Variants in CLK4 observed in about 807,000 individuals in gnomAD.
The protein encoded by CLK4 is CDC like kinase 4.
Under a neutral mutation model 64.4 loss-of-function variants are expected in CLK4, and 37 were observed. The ratio of observed to expected loss-of-function variants is 0.57; its 90% confidence interval spans 0.44 to 0.76. The LOEUF is 0.76. CLK4 is among the 30% of genes least tolerant of loss of function. The probability of loss-of-function intolerance (pLI) is 0.00; values close to 1 mark genes in which losing one functional copy is unlikely to be tolerated. For synonymous variants in CLK4, 175 were observed against 191.6 expected, an observed-to-expected ratio of 0.91 and a Z score of 0.72; for missense variants, 457 against 605.1, an observed-to-expected ratio of 0.76 and a Z score of 2.57.
intron 3 of CLK4, chr5:178,618,309 C>T: frequency 5.6e-6 from 1 of 177,396 alleles, no homozygotes; most frequent in Non-Finnish European, 1.2e-5. Context: ...TTATTAAAAT[C>T]AATAAACTCA....
chr5:178,616,954 G>A lies in CLK4; in HGVS notation c.476-6C>T. On this transcript the variant is annotated splice_region_variant and splice_polypyrimidine_tract_variant and intron_variant, in intron 4 of 12. Transcript: ENST00000316308. Reference sequence around the variant, plus strand: ...CAAAGTGTCCACGATTTCATCTAGAGTGAGGAGGGAAAAAGAGGTGTAAGT... The same window carrying A: ...CAAAGTGTCCACGATTTCATCTAGAATGAGGAGGGAAAAAGAGGTGTAAGT... 1.9e-6 allele frequency: 3 copies of A among 1,609,474 alleles called. No homozygotes were observed. The highest frequency in any genetic ancestry group is 2.6e-6 in the Non-Finnish European group (3 of 1,175,794).
In CLK4 at chr5:178,621,690, T is replaced by G. The variant is rs529486772; in HGVS notation, c.161+1566A>C. 4.6e-5 allele frequency: 7 copies of G among 152,286 alleles called. No individual in the cohort carries two copies. The South Asian group carries it at 1.0e-3, about 23-fold the overall frequency. 9.4% of individuals were successfully genotyped at this position (152,286 alleles called of 1,614,324 possible). On this transcript the variant is annotated intron_variant, in intron 2 of 12. Coordinates refer to ENST00000316308, the MANE Select transcript of CLK4 (RefSeq NM_020666.3). ...AGCATGAAGGAGCACGTTGTATAAT[T>G]TGGCAAACTCTCTAGAAAAAGAAAT...
Position 178,618,784 on chromosome 5 carries a change from A to G in CLK4, c.162-6T>C, listed in dbSNP as rs780748823. 3.1e-6 allele frequency: 5 copies of G among 1,602,242 alleles called. No individual in the cohort carries two copies. Among genetic ancestry groups the G allele is most frequent in the Non-Finnish European group, 4.3e-6 (5 of 1,170,950 alleles). ...ACCTTGCTTCTAAATAATGACTGCAAACACATTAAAAGATTTCAAATTATT... is the reference window on the plus strand; with the variant it reads ...ACCTTGCTTCTAAATAATGACTGCAGACACATTAAAAGATTTCAAATTATT... On this transcript the variant is annotated splice_region_variant and splice_polypyrimidine_tract_variant and intron_variant, in intron 2 of 12. Transcript: ENST00000316308.
chr5:178,622,349 G>T, intron 2 of CLK4: 1 of 816,982 alleles, frequency 1.2e-6, no homozygotes, highest in Non-Finnish European at 1.5e-6. Flanking sequence ...AAGCTGTTTG[G>T]CAGAACAAGT....
At chr5:178,607,804 C>T (rs1275823301) in intron 10 of CLK4, among the ~76,000 whole-genome samples, 1 of 151,680 alleles carries the variant, frequency 6.6e-6, no homozygotes, top group Admixed American at 6.6e-5. Flanking sequence ...GCTACCCCGC[C>T]TGGCCCTCCC....
intron 10 of CLK4, 130 bp from the exon 11 acceptor site, chr5:178,605,512 G>A (rs1764454900): frequency 2.0e-6 from 1 of 497,986 alleles, no homozygotes. Context: ...AACTGGGCAA[G>A]GTTACCAGAA....
intron 10 of CLK4, among the ~76,000 whole-genome samples, chr5:178,608,143 C>G (rs981333930): frequency 2.6e-5 from 4 of 152,060 alleles, no homozygotes; most frequent in South Asian, 2.1e-4. Context: ...CAGTATGAAC[C>G]ATATATGAAC....
At chr5:178,607,303 T>C (rs911911301) in intron 10 of CLK4, among the ~76,000 whole-genome samples, 5 of 152,074 alleles carry the variant, frequency 3.3e-5, no homozygotes, top group Non-Finnish European at 5.9e-5. Flanking sequence ...TTCCCATTTA[T>C]ACAAGACACT....
At chr5:178,612,048 C>G (rs1764565037) in intron 9 of CLK4, among the ~76,000 whole-genome samples, 1 of 152,216 alleles carries the variant, frequency 6.6e-6, no homozygotes, top group South Asian at 2.1e-4. Context: ...TTCTAGACAT[C>G]TGCCAACCAG....
rs563382425 is a variant in CLK4, at chr5:178,613,956, C to A, written c.543-113G>T. ...ATTCCTCTATGCCATTTAAAATAATCTTTCAGAACATATTATAGCAGATTC... is the reference window on the plus strand; with the variant it reads ...ATTCCTCTATGCCATTTAAAATAATATTTCAGAACATATTATAGCAGATTC... On this transcript the variant is annotated intron_variant, in intron 5 of 12. Coordinates refer to ENST00000316308, the MANE Select transcript of CLK4 (RefSeq NM_020666.3). 96 of 699,144 alleles carry A rather than the reference C, an allele frequency of 1.4e-4. 2 individuals are homozygous for A. Among genetic ancestry groups the A allele is most frequent in the South Asian group, 1.2e-3 (61 of 52,920 alleles). 43.3% of individuals were successfully genotyped at this position (699,144 alleles called of 1,614,324 possible).
In CLK4 at chr5:178,618,715, T is replaced by C; in HGVS notation, c.225A>G (p.Glu75=). 1 of 1,614,004 alleles carries C rather than the reference T, an allele frequency of 6.2e-7. No individual in the cohort carries two copies. Among genetic ancestry groups the C allele is most frequent in the African/African-American group, 1.3e-5 (1 of 75,040 alleles). The change falls in exon 3 of 13, where the codon GAA becomes GAG. Residue 75 remains glutamate, a synonymous_variant. Transcript: ENST00000316308. Reference sequence around the variant, plus strand: ...ATCCTTCACAGTAGTCATTCCTGTATTCGTCAACGTATCTCCGGTCCCGAT... The same window carrying C: ...ATCCTTCACAGTAGTCATTCCTGTACTCGTCAACGTATCTCCGGTCCCGAT... The part of the protein sequence containing the change: ...RDYRDRRYVD[E]YRNDYCEGYV...
At chr5:178,623,753 G>C (rs6876513) in intron 1 of CLK4, among the ~76,000 whole-genome samples, 139,349 of 152,048 alleles carry the variant, frequency 0.92, 63,969 homozygotes, top group East Asian at 1. Context: ...GCCGGGGGGG[G>C]CAAATAAAAA....
At chr5:178,611,510 C>T (rs1048646925) in intron 9 of CLK4, among the ~76,000 whole-genome samples, 7 of 152,150 alleles carry the variant, frequency 4.6e-5, no homozygotes, top group African/African-American at 1.7e-4. Flanking sequence ...TAGTGGCTAC[C>T]ATATGGGACA....
At position 178,606,963 on chromosome 5, in the gene CLK4, G is replaced by GA. The variant is rs370795283; in HGVS notation, c.1134+1412dup. ...TGACACAGTGAGACTCCATCTCAGG[G>GA]AAAAAAAAAAAAAAATTAAGATTTC... On this transcript the variant is annotated intron_variant, in intron 10 of 12. Transcript: ENST00000316308. Among the ~76,000 whole-genome samples, 710 of 137,342 alleles carry GA rather than the reference G, an allele frequency of 5.2e-3. 6 individuals are homozygous for GA. Among genetic ancestry groups the GA allele is most frequent in the African/African-American group, 0.012 (455 of 37,386 alleles). 90.1% of individuals were successfully genotyped at this position (137,342 alleles called of 152,430 possible).
chr5:178,607,507 CTTTTTTTTTTTT>C (rs70997615), intron 10 of CLK4, among the ~76,000 whole-genome samples: 3 of 78,060 alleles, frequency 3.8e-5, no homozygotes, highest in Middle Eastern at 0.017. Flanking sequence ...TACACTTTGT[CTTTTTTTTTTTT>C]TTTTTTTTTT....
At chr5:178,626,199 G>A (rs1374072139) in intron 1 of CLK4, among the ~76,000 whole-genome samples, 1 of 152,188 alleles carries the variant, frequency 6.6e-6, no homozygotes, top group Non-Finnish European at 1.5e-5. Flanking sequence ...CAATCGCACA[G>A]GACAGCTATG....
At chr5:178,608,631 A>C (rs1054713752) in intron 9 of CLK4, among the ~76,000 whole-genome samples, 173 bp from the exon 10 acceptor site, 1 of 152,226 alleles carries the variant, frequency 6.6e-6, no homozygotes, top group East Asian at 1.9e-4. Flanking sequence ...CACACTCCAT[A>C]GTCCATATGC....
Position 178,613,460 on chromosome 5 carries a change from C to A in CLK4, c.826+13G>T. 2 of 1,460,880 alleles carry A rather than the reference C, an allele frequency of 1.4e-6. No individual in the cohort carries two copies. Among genetic ancestry groups the A allele is most frequent in the East Asian group, 4.8e-5 (2 of 41,320 alleles). 90.5% of individuals were successfully genotyped at this position (1,460,880 alleles called of 1,614,324 possible). On this transcript the variant is annotated intron_variant, in intron 7 of 12. Coordinates refer to ENST00000316308, the MANE Select transcript of CLK4 (RefSeq NM_020666.3). The stretch of plus-strand genomic sequence containing the variant: ...TAAATAAATAAAAATAAAGATTTAT[C>A]AAGTGTACTTACAATTTATTGACTG...
chr5:178,610,597 C>A (rs1223322930), intron 9 of CLK4, among the ~76,000 whole-genome samples: 1 of 152,026 alleles, frequency 6.6e-6, no homozygotes, highest in African/African-American at 2.4e-5. Flanking sequence ...CCTTGCTTGG[C>A]CACATTTGGA....
Sources: allele counts gnomAD v4.1 joint callset (sites outside exome capture counted in the v4.1 genomes callset), GRCh38; gene constraint gnomAD v4.1.1; transcripts MANE v1.5; gene names NCBI Gene and HGNC (gene_info 2026-07-23, HGNC 2026-07-21).